The following DACH1 variants were observed in gnomAD, a reference collection of about 807,000 sequenced individuals.
The protein encoded by DACH1 is dachshund homolog 1.
In DACH1, 12 loss-of-function variants were observed where a neutral mutation model predicts 54.2. The ratio of observed to expected loss-of-function variants is 0.22; its 90% confidence interval spans 0.14 to 0.36. The LOEUF (loss-of-function observed/expected upper bound fraction) is 0.36, where lower values mean the gene tolerates loss of function less well. Ranked by LOEUF, DACH1 falls within the 10% of genes least tolerant of loss-of-function variation. DACH1 has a pLI of 1.00. For missense variants in DACH1, 805 were observed against 929.8 expected, an observed-to-expected ratio of 0.87 and a Z score of 1.75; for synonymous variants, 386 against 366.2, an observed-to-expected ratio of 1.05 and a Z score of -0.62.
intron 10 of DACH1, among the ~76,000 whole-genome samples, chr13:71,443,590 T>A (rs1184542934): frequency 6.6e-6 from 1 of 152,182 alleles, no homozygotes; most frequent in East Asian, 1.9e-4. Context: ...ATATAAAATA[T>A]AACCTAAGAT....
intron 6 of DACH1, among the ~76,000 whole-genome samples, chr13:71,518,265 G>T (rs925951694): frequency 1.3e-3 from 200 of 151,820 alleles, no homozygotes; most frequent in African/African-American, 4.8e-3. Flanking sequence ...AGGCATCATG[G>T]AGGTACATGC....
At chr13:71,823,678 T>A (rs1270016426) in intron 1 of DACH1, among the ~76,000 whole-genome samples, 3 of 152,016 alleles carry the variant, frequency 2.0e-5, no homozygotes, top group African/African-American at 7.2e-5. Context: ...TTCTTGATTG[T>A]TTGAAAAGGC....
intron 1 of DACH1, among the ~76,000 whole-genome samples, chr13:71,848,147 A>G (rs1041361658): frequency 1.3e-5 from 2 of 152,150 alleles, no homozygotes; most frequent in Non-Finnish European, 2.9e-5. Flanking sequence ...TTAATTTTCT[A>G]TAGAATCTCC....
chr13:71,554,665 G>A (rs1260880186), intron 6 of DACH1, among the ~76,000 whole-genome samples: 3 of 152,098 alleles, frequency 2.0e-5, no homozygotes, highest in African/African-American at 7.2e-5. Context: ...ATTCAGCCCA[G>A]ATCAGTATGC....
intron 1 of DACH1, among the ~76,000 whole-genome samples, chr13:71,778,092 C>CAATAAATA (rs369933133): frequency 1.6e-3 from 218 of 138,950 alleles, no homozygotes; most frequent in Admixed American, 2.8e-3. Context: ...ACCCTGTCTA[C>CAATAAATA]AATAAATAAA....
rs73491952 is a variant in DACH1 at position 71,813,469 on chromosome 13, G to A, written c.848+52453C>T. ...TAACTCCTCTAACATCTAGACTTGCGTTATCAACTCCATCCACAGATGCCT... is the reference window on the plus strand; with the variant it reads ...TAACTCCTCTAACATCTAGACTTGCATTATCAACTCCATCCACAGATGCCT... On this transcript the variant is annotated intron_variant, in intron 1 of 10. Coordinates refer to ENST00000613252, the MANE Select transcript of DACH1 (RefSeq NM_080759.6). Among the ~76,000 whole-genome samples the A allele has an allele frequency of 4.8e-3, 730 of 152,168 alleles. 2 individuals are homozygous for A. Among genetic ancestry groups the A allele is most frequent in the African/African-American group, 0.017 (697 of 41,498 alleles).
intron 1 of DACH1, among the ~76,000 whole-genome samples, chr13:71,764,893 T>G (rs552939778): frequency 2.0e-5 from 3 of 152,336 alleles, no homozygotes; most frequent in Admixed American, 6.5e-5. Flanking sequence ...CAATGTAATT[T>G]ATTGTCTTTT....
At chr13:71,726,094 C>G (rs1665324037) in intron 1 of DACH1, among the ~76,000 whole-genome samples, 1 of 152,082 alleles carries the variant, frequency 6.6e-6, no homozygotes, top group South Asian at 2.1e-4. Context: ...ATGCTTCCCC[C>G]TCAGAATCTC....
At chr13:71,479,661 T>C (rs560480927) in intron 7 of DACH1, among the ~76,000 whole-genome samples, 2 of 152,144 alleles carry the variant, frequency 1.3e-5, no homozygotes, top group Non-Finnish European at 2.9e-5. Context: ...AGAAGGAAAT[T>C]AGGCTGAAAC....
chr13:71,560,372 T>C (rs1397459882), intron 4 of DACH1, among the ~76,000 whole-genome samples: 1 of 152,206 alleles, frequency 6.6e-6, no homozygotes, highest in Non-Finnish European at 1.5e-5. Flanking sequence ...ATAAACACAT[T>C]ATCAACATGA....
chr13:71,556,702 T>C (rs918509925), intron 6 of DACH1, among the ~76,000 whole-genome samples: 3 of 151,996 alleles, frequency 2.0e-5, no homozygotes, highest in African/African-American at 7.3e-5. Flanking sequence ...CTAAGTAAAA[T>C]GACAGTGACC....
At chr13:71,485,575 C>CTTTTTTTTTT (rs68024614) in intron 7 of DACH1, among the ~76,000 whole-genome samples, 6 of 46,174 alleles carry the variant, frequency 1.3e-4, no homozygotes, top group African/African-American at 1.6e-4. Context: ...TTCTTTTCTT[C>CTTTTTTTTTT]TTTTTTTTTT....
intron 3 of DACH1, among the ~76,000 whole-genome samples, chr13:71,615,829 A>C (rs1205056301): frequency 1.3e-5 from 2 of 151,914 alleles, no homozygotes; most frequent in Non-Finnish European, 2.9e-5. Flanking sequence ...ATGAATGTTC[A>C]TGTGTGTGTG....
intron 1 of DACH1, among the ~76,000 whole-genome samples, chr13:71,694,962 C>G (rs1881744992): frequency 6.6e-6 from 1 of 151,818 alleles, no homozygotes; most frequent in African/African-American, 2.4e-5. Flanking sequence ...GAAACTGAGG[C>G]AAAGATACAT....
At chr13:71,613,515 T>C (rs1369019258) in intron 3 of DACH1, among the ~76,000 whole-genome samples, 1 of 151,938 alleles carries the variant, frequency 6.6e-6, no homozygotes, top group Non-Finnish European at 1.5e-5. Context: ...AGACAAGGAG[T>C]GAAAACAGGA....
chr13:71,642,804 T>C (rs1176387838), intron 2 of DACH1, among the ~76,000 whole-genome samples: 2 of 151,992 alleles, frequency 1.3e-5, no homozygotes, highest in East Asian at 1.9e-4. Flanking sequence ...GCAGATCACT[T>C]GAGGTCAGGA....
At chr13:71,547,557 G>A (rs1883538513) in intron 6 of DACH1, among the ~76,000 whole-genome samples, 1 of 152,038 alleles carries the variant, frequency 6.6e-6, no homozygotes, top group South Asian at 2.1e-4. Context: ...GGACAAAACT[G>A]TTATACACAG....
chr13:71,692,683 C>T (rs568064501), intron 1 of DACH1, among the ~76,000 whole-genome samples: 14 of 151,526 alleles, frequency 9.2e-5, no homozygotes, highest in African/African-American at 2.4e-4. Context: ...CCACCATGCC[C>T]GGCTAATTTT....
chr13:71,777,108 C>T (rs1886095137), intron 1 of DACH1, among the ~76,000 whole-genome samples: 1 of 152,186 alleles, frequency 6.6e-6, no homozygotes, highest in Non-Finnish European at 1.5e-5. Flanking sequence ...TGGTTTACAA[C>T]AATCACCCTC....
Sources: gnomAD v4.1 joint callset for allele counts (sites outside exome capture counted in the v4.1 genomes callset) on GRCh38, gnomAD v4.1.1 for gene constraint, MANE v1.5 for transcripts, NCBI Gene and HGNC (gene_info 2026-07-23, HGNC 2026-07-21) for gene names.